The following KIF13A variants were observed in gnomAD, a reference collection of about 807,000 sequenced individuals.
KIF13A encodes kinesin family member 13A.
In KIF13A, 79 loss-of-function variants were observed where a neutral mutation model predicts 212.2. The ratio of observed to expected loss-of-function variants is 0.37; its 90% CI spans 0.31 to 0.45. The LOEUF (loss-of-function observed/expected upper bound fraction) is 0.45. Ranked by LOEUF, KIF13A falls within the 20% of genes least tolerant of loss-of-function variation. KIF13A has a pLI of 1.00. For missense variants in KIF13A, 1,901 were observed against 2,209.0 expected (o/e 0.86, Z 2.79); for synonymous variants, 789 against 808.6 (o/e 0.98, Z 0.41).
At position 17,900,678 on chromosome 6, in the gene KIF13A, T is replaced by C. The variant is rs1409946024; in HGVS notation, c.147-2498A>G. Among the ~76,000 whole-genome samples, 3 of 152,238 alleles carry C rather than the reference T, an allele frequency of 2.0e-5. No individual in the cohort carries two copies. The highest frequency in any genetic ancestry group is 7.2e-5 in the African/African-American group (3 of 41,456). ...GTACTTCATTCATTGATACATCCTC[T>C]ACTTCATTCACTGATACAACCTGTA... On this transcript the variant is annotated intron_variant, in intron 2 of 38. Transcript: ENST00000259711. The surrounding 1 kb of genome is among the most constrained non-coding windows in gnomAD (Gnocchi z 4.6).
At chr6:17,860,052 T>TG (rs1768591270) in intron 4 of KIF13A, among the ~76,000 whole-genome samples, 1 of 152,192 alleles carries the variant, frequency 6.6e-6, no homozygotes, top group Non-Finnish European at 1.5e-5. Context: ...GGTCAGCTTA[T>TG]AGTGACTCCC....
intron 9 of KIF13A, among the ~76,000 whole-genome samples, chr6:17,846,759 T>A (rs887664603): frequency 6.6e-6 from 1 of 152,158 alleles, no homozygotes; most frequent in Non-Finnish European, 1.5e-5. Context: ...TAAGGGACAC[T>A]ACATAAACTC....
intron 2 of KIF13A, among the ~76,000 whole-genome samples, chr6:17,945,981 A>C (rs550910529): frequency 6.2e-4 from 95 of 152,316 alleles, no homozygotes; most frequent in Non-Finnish European, 4.4e-5. Flanking sequence ...GGGCGAAATT[A>C]ATCTCTACTT....
chr6:17,830,676 G>C lies in KIF13A; in HGVS notation c.1401+425C>G, dbSNP rs144490822. ...GAACATTGTTGTCTATTTAATCTAG[G>C]ACGAGGGTCTCCTTTAGGCTTGTGT... is the stretch of plus-strand genomic sequence containing the variant. On this transcript the variant is annotated intron_variant, in intron 13 of 38. Transcript: ENST00000259711. Among the ~76,000 whole-genome samples the C allele has an allele frequency of 6.2e-3, 943 of 152,276 alleles. 8 individuals are homozygous for C. Among genetic ancestry groups the C allele is most frequent in the African/African-American group, 0.021 (891 of 41,546 alleles).
intron 19 of KIF13A, among the ~76,000 whole-genome samples, chr6:17,804,783 G>A (rs1762788253): frequency 8.7e-6 from 1 of 114,806 alleles, no homozygotes; most frequent in South Asian, 3.1e-4. Context: ...ACTCCAGCCT[G>A]AGTGACAGAG....
At chr6:17,882,330 C>G (rs564482239) in intron 3 of KIF13A, among the ~76,000 whole-genome samples, 2 of 152,148 alleles carry the variant, frequency 1.3e-5, no homozygotes, top group East Asian at 3.9e-4. Context: ...AGGCAAAACA[C>G]AAAACAAGTA....
chr6:17,764,949 A>G lies in KIF13A; in HGVS notation c.4582-3T>C. 1.3e-6 allele frequency: 2 copies of G among 1,590,702 alleles called. No individual in the cohort carries two copies. Among genetic ancestry groups the G allele is most frequent in the East Asian group, 2.2e-5 (1 of 44,690 alleles). ...TCATTTTCTTCCTCCTCAGAGTCCT[A>G]TAGAAGTGAAGCAAAAGTCAGTCAT... On this transcript the variant is annotated splice_region_variant and splice_polypyrimidine_tract_variant and intron_variant, in intron 38 of 38. Coordinates refer to ENST00000259711, the MANE Select transcript of KIF13A (RefSeq NM_022113.6). The surrounding 1 kb of genome is among the most constrained non-coding windows in gnomAD (Gnocchi z 5.1).
chr6:17,852,138 AAG>A, intron 6 of KIF13A, 96 bp from the exon 7 acceptor site: 3 of 540,508 alleles, frequency 5.6e-6, no homozygotes, highest in Middle Eastern at 2.8e-4. Flanking sequence ...ACAATTTCAA[AAG>A]AATTTTTAAA....
At chr6:17,921,636 T>C (rs189175920) in intron 2 of KIF13A, among the ~76,000 whole-genome samples, 85 of 152,268 alleles carry the variant, frequency 5.6e-4, no homozygotes, top group Admixed American at 3.7e-3. Flanking sequence ...GAGGACACAA[T>C]AGAACAGAAC....
chr6:17,866,649 C>T (rs1267424696), intron 4 of KIF13A, among the ~76,000 whole-genome samples: 1 of 151,668 alleles, frequency 6.6e-6, no homozygotes, highest in Non-Finnish European at 1.5e-5. Flanking sequence ...ATTCAATGCT[C>T]AGGGTTGTAC....
intron 2 of KIF13A, among the ~76,000 whole-genome samples, chr6:17,962,330 A>C (rs1227234405): frequency 6.6e-6 from 1 of 152,156 alleles, no homozygotes; most frequent in African/African-American, 2.4e-5. Flanking sequence ...AGAAAAAAAA[A>C]ACATGGTAAT....
rs1561757633 is a variant in KIF13A at position 17,915,947 on chromosome 6, ATAAAAATAAAAAT to A, written c.147-17780_147-17768del. On this transcript the variant is annotated intron_variant, in intron 2 of 38. Coordinates refer to ENST00000259711, the MANE Select transcript of KIF13A (RefSeq NM_022113.6). This position sits in a 1 kb window ranked among gnomAD's most constrained non-coding sequence, Gnocchi z 4.4. Reference sequence around the variant, plus strand: ...CAGAGAGCCAGTCTCAAAAAAAAAAATAAAAATAAAAATAAAATAAAATAAAATAAATTACAGT... The same window carrying A: ...CAGAGAGCCAGTCTCAAAAAAAAAAAAAAATAAAATAAAATAAATTACAGT... 6.9e-6 allele frequency among the ~76,000 whole-genome samples: 1 copy of A among 145,870 alleles called. No individual in the cohort carries two copies. The highest frequency in any genetic ancestry group is 1.5e-5 in the Non-Finnish European group (1 of 67,380).
intron 2 of KIF13A, among the ~76,000 whole-genome samples, chr6:17,939,449 T>C (rs957822538): frequency 7.2e-5 from 11 of 152,220 alleles, no homozygotes; most frequent in Admixed American, 2.6e-4. Context: ...TTCTTTGCTT[T>C]AGAGTCTGAG....
At chr6:17,802,923 G>GTTTTTTTTTTTTTTT (rs57190220) in intron 20 of KIF13A, among the ~76,000 whole-genome samples, 1 of 135,652 alleles carries the variant, frequency 7.4e-6, no homozygotes, top group African/African-American at 2.6e-5. Context: ...ATTTTTTTGT[G>GTTTTTTTTTTTTTTT]TTTTTTTTGT....
At position 17,804,437 on chromosome 6, in the gene KIF13A, G is replaced by T; in HGVS notation, c.2378C>A (p.Ala793Glu). The change falls in exon 20 of 39, where the codon GCG (alanine) becomes GAG (glutamate). Residue 793 changes from alanine to glutamate, a missense_variant. Ala to Glu is a moderately radical substitution (Grantham distance 107). Transcript: ENST00000259711. ...AQENHNLIGV[A>E]NVFLECLFCD... Reference sequence around the variant, plus strand: ...GAAGAGGCATTCCAAGAATACATTCGCCACCCCGATGAGGTTGTGATTTTC... The same window carrying T: ...GAAGAGGCATTCCAAGAATACATTCTCCACCCCGATGAGGTTGTGATTTTC... 1.3e-6 allele frequency: 2 copies of T among 1,576,990 alleles called. No individual in the cohort carries two copies. The highest frequency in any genetic ancestry group is 1.7e-6 in the Non-Finnish European group (2 of 1,160,414).
At chr6:17,975,935 C>T (rs1229217635) in intron 2 of KIF13A, among the ~76,000 whole-genome samples, 2 of 150,564 alleles carry the variant, frequency 1.3e-5, no homozygotes, top group Non-Finnish European at 2.9e-5. Context: ...TAAAGGTTCT[C>T]CAAGGCCCCA....
intron 31 of KIF13A, 77 bp downstream of exon 31, chr6:17,780,653 A>G: frequency 7.2e-7 from 1 of 1,397,646 alleles, no homozygotes; most frequent in Non-Finnish European, 1.0e-6. Flanking sequence ...GCACCAAAAA[A>G]CACTGCTTTG....
chr6:17,981,062 A>G (rs55851545), intron 2 of KIF13A, among the ~76,000 whole-genome samples: 2,044 of 151,234 alleles, frequency 0.014, 48 homozygotes, highest in African/African-American at 0.047. Flanking sequence ...TATAAATTAT[A>G]TGACCACTTC....
At chr6:17,948,580 T>TTTTC (rs766779438) in intron 2 of KIF13A, among the ~76,000 whole-genome samples, 1 of 147,126 alleles carries the variant, frequency 6.8e-6, no homozygotes, top group Non-Finnish European at 1.5e-5. Flanking sequence ...TTTTTTTTTT[T>TTTTC]TGAGACAAGT....
Sources: allele counts gnomAD v4.1 joint callset (sites outside exome capture counted in the v4.1 genomes callset), GRCh38; gene constraint gnomAD v4.1.1; non-coding constraint Gnocchi (gnomAD v3.1); transcripts MANE v1.5; gene names NCBI Gene and HGNC (gene_info 2026-07-23, HGNC 2026-07-21).